The following MTUS2 variants were observed in gnomAD, a reference collection of about 807,000 sequenced individuals.
MTUS2 encodes microtubule-associated tumor suppressor candidate 2.
Under a neutral mutation model 114.1 loss-of-function variants are expected in MTUS2, and 40 were observed. That is an observed-to-expected ratio of 0.35 (90% CI 0.27 to 0.46). The LOEUF (loss-of-function observed/expected upper bound fraction) is 0.46. Among genes scored for constraint, MTUS2 ranks in the 20% least tolerant of loss-of-function variants. The probability of loss-of-function intolerance (pLI) is 1.00; values close to 1 mark genes in which losing one functional copy is unlikely to be tolerated. For missense variants in MTUS2, 1,679 were observed against 1,705.4 expected (o/e 0.98, Z 0.27); for synonymous variants, 688 against 672.0 (o/e 1.02, Z -0.37).
At chr13:29,437,235 A>C (rs1361425338) in intron 8 of MTUS2, among the ~76,000 whole-genome samples, 1 of 152,206 alleles carries the variant, frequency 6.6e-6, no homozygotes, top group African/African-American at 2.4e-5. Flanking sequence ...GCCCAGTCTA[A>C]GTCTTTGCAA....
chr13:29,029,283 GGC>G (rs1886705849), intron 3 of MTUS2, among the ~76,000 whole-genome samples: 2 of 152,184 alleles, frequency 1.3e-5, no homozygotes, highest in Non-Finnish European at 2.9e-5. Flanking sequence ...GGGGCTGCAT[GGC>G]ATCTTGTTTA....
intron 2 of MTUS2, among the ~76,000 whole-genome samples, chr13:28,954,223 A>G (rs1196572498): frequency 6.6e-6 from 1 of 152,188 alleles, no homozygotes; most frequent in African/African-American, 2.4e-5. Flanking sequence ...AAAATGCAGA[A>G]TCTTTGCTGA....
intron 4 of MTUS2, among the ~76,000 whole-genome samples, chr13:29,094,155 G>GT (rs1890079750): frequency 6.6e-6 from 1 of 151,970 alleles, no homozygotes; most frequent in African/African-American, 2.4e-5. Flanking sequence ...TTGATTTATA[G>GT]TTTTCTTGAG....
At chr13:28,822,282 C>T (rs929765491) in intron 1 of MTUS2, among the ~76,000 whole-genome samples, 1 of 152,106 alleles carries the variant, frequency 6.6e-6, no homozygotes, top group Non-Finnish European at 1.5e-5. Context: ...TTTTGGTACT[C>T]CATTAAACTC....
intron 2 of MTUS2, among the ~76,000 whole-genome samples, chr13:28,889,500 G>A (rs1878789941): frequency 6.6e-6 from 1 of 152,194 alleles, no homozygotes; most frequent in Non-Finnish European, 1.5e-5. Flanking sequence ...CTGAAGTTGT[G>A]ATGAAGGGGA....
At chr13:28,927,024 G>A (rs1388269812) in intron 2 of MTUS2, among the ~76,000 whole-genome samples, 1 of 152,150 alleles carries the variant, frequency 6.6e-6, no homozygotes, top group African/African-American at 2.4e-5. Flanking sequence ...GGGGAGTCAG[G>A]TGCAGAAAGG....
At chr13:29,181,618 A>G (rs1024979431) in intron 5 of MTUS2, among the ~76,000 whole-genome samples, 3 of 152,140 alleles carry the variant, frequency 2.0e-5, no homozygotes, top group Admixed American at 6.5e-5. Context: ...TTTAATATAT[A>G]TGATTAATGG....
intron 7 of MTUS2, among the ~76,000 whole-genome samples, chr13:29,345,139 C>A (rs1180217203): frequency 6.6e-6 from 1 of 152,106 alleles, no homozygotes; most frequent in Non-Finnish European, 1.5e-5. Flanking sequence ...GGTGCCTAGG[C>A]AATGATCTTT....
chr13:28,837,243 T>C (rs998757999), intron 1 of MTUS2, among the ~76,000 whole-genome samples: 5 of 152,240 alleles, frequency 3.3e-5, no homozygotes, highest in African/African-American at 1.2e-4. Context: ...AATCTATGTT[T>C]AACAAATCTA....
chr13:28,893,333 G>A (rs1198171445), intron 2 of MTUS2, among the ~76,000 whole-genome samples: 1 of 151,982 alleles, frequency 6.6e-6, no homozygotes, highest in African/African-American at 2.4e-5. Flanking sequence ...CTGGCACATG[G>A]TGCTTTGACG....
chr13:28,831,090 G>T (rs1227582612), intron 1 of MTUS2, among the ~76,000 whole-genome samples: 1 of 152,056 alleles, frequency 6.6e-6, no homozygotes, highest in Non-Finnish European at 1.5e-5. Flanking sequence ...ATAAAGAGTA[G>T]CAGTAAAGGT....
intron 2 of MTUS2, among the ~76,000 whole-genome samples, chr13:28,894,180 A>G (rs1217880391): frequency 6.7e-6 from 1 of 149,906 alleles, no homozygotes; most frequent in Non-Finnish European, 1.5e-5. Flanking sequence ...ATGGTATTGG[A>G]GATGAGGCCT....
intron 7 of MTUS2, 25 bp downstream of exon 7, chr13:29,324,736 C>CT (rs1412263453): frequency 2.5e-5 from 38 of 1,545,342 alleles, no homozygotes; most frequent in Non-Finnish European, 3.3e-5. Context: ...TGATGTGTTC[C>CT]TTGGGGGAAT....
intron 5 of MTUS2, among the ~76,000 whole-genome samples, chr13:29,196,484 T>G (rs1894707236): frequency 6.6e-6 from 1 of 152,208 alleles, no homozygotes; most frequent in Non-Finnish European, 1.5e-5. Flanking sequence ...ATTTACTATC[T>G]TAACCATTTT....
chr13:29,080,241 G>T (rs780031392), intron 4 of MTUS2, among the ~76,000 whole-genome samples: 1 of 152,004 alleles, frequency 6.6e-6, no homozygotes, highest in Non-Finnish European at 1.5e-5. Flanking sequence ...AAGCAAAGTG[G>T]AATATTATAG....
chr13:29,415,878 C>T (rs189264315), intron 8 of MTUS2, among the ~76,000 whole-genome samples: 190 of 151,844 alleles, frequency 1.3e-3, no homozygotes, highest in African/African-American at 4.3e-3. Context: ...TCCATTGTCC[C>T]GTTTTCTTAG....
At chr13:28,983,050 C>CAGATT (rs1884429252) in intron 2 of MTUS2, among the ~76,000 whole-genome samples, 3 of 152,138 alleles carry the variant, frequency 2.0e-5, no homozygotes, top group Non-Finnish European at 4.4e-5. Flanking sequence ...GATATCTTAC[C>CAGATT]ATAAAACCAT....
At chr13:29,222,104 G>T (rs963167406) in intron 5 of MTUS2, among the ~76,000 whole-genome samples, 5 of 152,098 alleles carry the variant, frequency 3.3e-5, no homozygotes, top group African/African-American at 1.2e-4. Flanking sequence ...ATGACACCAT[G>T]CCCAGCTTAA....
At chr13:29,017,701 T>C (rs910625222) in intron 2 of MTUS2, among the ~76,000 whole-genome samples, 14 of 125,798 alleles carry the variant, frequency 1.1e-4, no homozygotes, top group African/African-American at 3.6e-4. Flanking sequence ...TCTTGAAAGA[T>C]TGAAAAAAAA....
Sources: allele counts gnomAD v4.1 joint callset (sites outside exome capture counted in the v4.1 genomes callset), GRCh38; gene constraint gnomAD v4.1.1; transcripts MANE v1.5; gene names NCBI Gene and HGNC (gene_info 2026-07-23, HGNC 2026-07-21).